ATL1: variants seen among roughly 807,000 people sequenced by gnomAD.
The protein encoded by ATL1 is atlastin GTPase 1, also known as atlastin-1.
A neutral mutation model predicts 75.5 loss-of-function variants in ATL1; 31 were observed. The ratio of observed to expected loss-of-function variants is 0.41; its 90% CI spans 0.31 to 0.55. ATL1 has a LOEUF of 0.55. Among genes scored for constraint, ATL1 ranks in the 20% least tolerant of loss-of-function variants. The pLI is 0.27. For missense variants in ATL1, 405 were observed against 662.6 expected (o/e 0.61, Z 4.27); for synonymous variants, 226 against 233.3 (o/e 0.97, Z 0.28).
chr14:50,602,111 T>C (rs1035432338), intron 6 of ATL1, among the ~76,000 whole-genome samples: 1 of 152,222 alleles, frequency 6.6e-6, no homozygotes, highest in Non-Finnish European at 1.5e-5. Context: ...TGTCAGACAT[T>C]ATTTGAAGTT....
intron 1 of ATL1, among the ~76,000 whole-genome samples, chr14:50,562,791 C>T (rs2038863469): frequency 6.6e-6 from 1 of 152,126 alleles, no homozygotes; most frequent in Non-Finnish European, 1.5e-5. Flanking sequence ...CTGTTAAGTA[C>T]ATATGACATA....
intron 6 of ATL1, among the ~76,000 whole-genome samples, chr14:50,602,655 T>C (rs1321596019): frequency 2.6e-5 from 4 of 152,074 alleles, no homozygotes; most frequent in African/African-American, 9.7e-5. Context: ...ATTTAAATAG[T>C]GGTCACGAAG....
At chr14:50,575,665 T>C (rs1246780341) in intron 1 of ATL1, among the ~76,000 whole-genome samples, 2 of 152,308 alleles carry the variant, frequency 1.3e-5, no homozygotes, top group African/African-American at 4.8e-5. Flanking sequence ...TGCCAAGAGA[T>C]AGTTTCCTTG....
At chr14:50,612,331 T>C (rs532996870) in intron 6 of ATL1, among the ~76,000 whole-genome samples, 1 of 152,236 alleles carries the variant, frequency 6.6e-6, no homozygotes, top group South Asian at 2.1e-4. Flanking sequence ...AGGTGCTAGT[T>C]ACACAATGTG....
chr14:50,630,213 T>TAC (rs763879873), intron 13 of ATL1, among the ~76,000 whole-genome samples: 18 of 152,194 alleles, frequency 1.2e-4, no homozygotes, highest in Admixed American at 4.6e-4. Flanking sequence ...TGATTTGATC[T>TAC]ACACACACAC....
chr14:50,592,929 A>AAAAATATAT (rs562590227), intron 4 of ATL1, among the ~76,000 whole-genome samples: 1 of 113,880 alleles, frequency 8.8e-6, no homozygotes, highest in African/African-American at 3.5e-5. Context: ...AAAAAAAAAA[A>AAAAATATAT]ATATATATAT....
chr14:50,536,084 A>G (rs200924512), intron 1 of ATL1, among the ~76,000 whole-genome samples: 2 of 151,968 alleles, frequency 1.3e-5, no homozygotes, highest in East Asian at 3.8e-4. Flanking sequence ...GTCCAATTAA[A>G]CCTCTTTCTT....
intron 13 of ATL1, chr14:50,631,982 C>T: frequency 3.1e-6 from 1 of 320,674 alleles, no homozygotes. Flanking sequence ...AAGAGGTATG[C>T]AAGGTAAAAG....
rs1161005433 is a variant in ATL1 at position 50,632,697 on chromosome 14, T to G, written c.*358T>G. The G allele has an allele frequency of 4.8e-6, 1 of 209,276 alleles. No homozygotes were observed. The highest frequency in any genetic ancestry group is 9.8e-6 in the Non-Finnish European group (1 of 102,426). 13.0% of individuals were successfully genotyped at this position (209,276 alleles called of 1,614,324 possible). A position where few individuals can be genotyped will look rare whatever the true frequency, so the allele number is the denominator to read the frequency against. ...CACGTTTGGATATGCTCATTTAATT[T>G]CTACAGAAAAAATTTTAAATTATTT... is the stretch of plus-strand genomic sequence containing the variant. On this transcript the variant is annotated 3_prime_UTR_variant, in exon 14 of 14. Transcript: ENST00000358385.
intron 5 of ATL1, 56 bp from the exon 6 acceptor site, chr14:50,595,520 C>G: frequency 4.2e-4 from 8 of 19,206 alleles, no homozygotes; most frequent in Non-Finnish European, 5.3e-4. Flanking sequence ...TGCTAAAGTT[C>G]TCTCTCTCTC....
rs539263116 is a variant in ATL1, at chr14:50,602,991, T to G, written c.630+7359T>G. On this transcript the variant is annotated intron_variant, in intron 6 of 13. Coordinates refer to ENST00000358385, the MANE Select transcript of ATL1 (RefSeq NM_015915.5). Reference sequence around the variant, plus strand: ...GGACAGATTTAGCCACTGGGCACACTCCAGCAGACAGCATCTATGGCAGAA... The same window carrying G: ...GGACAGATTTAGCCACTGGGCACACGCCAGCAGACAGCATCTATGGCAGAA... Among the ~76,000 whole-genome samples the G allele has an allele frequency of 5.3e-5, 8 of 152,270 alleles. No individual in the cohort carries two copies. The South Asian group carries it at 1.7e-3, about 32-fold the overall frequency.
At chr14:50,574,933 GTGTGTATATATATATATATATATATA>G (rs1474365784) in intron 1 of ATL1, among the ~76,000 whole-genome samples, 3 of 46,012 alleles carry the variant, frequency 6.5e-5, no homozygotes, top group Admixed American at 2.6e-4. Context: ...GTGTGTGTGT[GTGTGTATATATATATATATATATATA>G]TATATATATA....
chr14:50,586,126 T>G (rs532501168), intron 1 of ATL1, among the ~76,000 whole-genome samples: 1 of 152,338 alleles, frequency 6.6e-6, no homozygotes, highest in African/African-American at 2.4e-5. Context: ...GTTATAAAAC[T>G]TCTTATCAAA....
intron 6 of ATL1, among the ~76,000 whole-genome samples, chr14:50,597,009 A>G (rs915661235): frequency 2.6e-5 from 4 of 152,090 alleles, no homozygotes; most frequent in African/African-American, 7.2e-5. Flanking sequence ...CAGGAGTTCA[A>G]GACCAGCCTG....
intron 13 of ATL1, 35 bp downstream of exon 13, chr14:50,630,044 T>A: frequency 6.7e-7 from 1 of 1,491,006 alleles, no homozygotes; most frequent in African/African-American, 1.4e-5. Context: ...GAGCTATGTA[T>A]GTGTAAACAT....
chr14:50,552,618 G>C (rs2038716354), intron 1 of ATL1, among the ~76,000 whole-genome samples: 1 of 152,164 alleles, frequency 6.6e-6, no homozygotes. Context: ...AAATTTTGCT[G>C]TGAGGCTATA....
At chr14:50,565,397 A>T (rs1279616461) in intron 1 of ATL1, among the ~76,000 whole-genome samples, 5 of 151,880 alleles carry the variant, frequency 3.3e-5, no homozygotes, top group African/African-American at 1.2e-4. Context: ...AGGCAGGAGG[A>T]TCACTTGAAC....
chr14:50,565,239 G>T (rs1367441604), intron 1 of ATL1, among the ~76,000 whole-genome samples: 1 of 151,956 alleles, frequency 6.6e-6, no homozygotes, highest in Admixed American at 6.6e-5. Flanking sequence ...GCAGTGAGCC[G>T]AGATCGCACT....
At chr14:50,571,145 T>G (rs749973366) in intron 1 of ATL1, among the ~76,000 whole-genome samples, 4 of 151,976 alleles carry the variant, frequency 2.6e-5, no homozygotes, top group Non-Finnish European at 5.9e-5. Flanking sequence ...CAATGAGAGG[T>G]GGGGTGTGCA....
Sources: allele counts gnomAD v4.1 joint callset (sites outside exome capture counted in the v4.1 genomes callset), GRCh38; gene constraint gnomAD v4.1.1; transcripts MANE v1.5; gene names NCBI Gene and HGNC (gene_info 2026-07-23, HGNC 2026-07-21).